The following BUD31 variants were observed in gnomAD, a reference collection of about 807,000 sequenced individuals.
The protein encoded by BUD31 is BUD31 spliceosome associated protein, also known as protein BUD31 homolog.
Under a neutral mutation model 17.9 loss-of-function variants are expected in BUD31, and 9 were observed. The observed-to-expected ratio is 0.50, with a 90% CI of 0.30 to 0.88. The LOEUF is 0.88. Ranked by LOEUF, BUD31 falls within the 40% of genes least tolerant of loss-of-function variation. The probability of loss-of-function intolerance (pLI) is 0.06; values close to 1 mark genes in which losing one functional copy is unlikely to be tolerated. For synonymous variants in BUD31, 70 were observed against 64.7 expected (o/e 1.08, Z -0.39); for missense variants, 148 against 184.5 (o/e 0.80, Z 1.15).
At chr7:99,418,459 GC>G (rs747775744) in intron 5 of BUD31, 1 of 152,988 alleles carries the variant, frequency 6.5e-6, no homozygotes, top group Non-Finnish European at 1.5e-5. Flanking sequence ...TGGCCCCACC[GC>G]CCATCTGCCA....
chr7:99,414,476 T>G (rs1329607819), intron 3 of BUD31, among the ~76,000 whole-genome samples: 1 of 152,248 alleles, frequency 6.6e-6, no homozygotes, highest in Non-Finnish European at 1.5e-5. Context: ...AGTGAACCTG[T>G]TAAATTATCC....
chr7:99,419,455 C>T lies in BUD31; in HGVS notation c.*14C>T, dbSNP rs1357207390. On this transcript the variant is annotated 3_prime_UTR_variant, in exon 6 of 6. Transcript: ENST00000222969. ...TGCTCTGGCTGAGGCTGGCGCGCTC[C>T]ACCCTGGACTCTGGACTTCGCAGGT... The T allele has an allele frequency of 6.2e-7, 1 of 1,610,252 alleles. No individual in the cohort carries two copies. The highest frequency in any genetic ancestry group is 8.5e-7 in the Non-Finnish European group (1 of 1,179,964).
chr7:99,417,341 C>T (rs1584442390), intron 4 of BUD31, 88 bp from the exon 5 acceptor site: 1 of 1,405,410 alleles, frequency 7.1e-7, no homozygotes, highest in Non-Finnish European at 1.0e-6. Context: ...GTGTGAGCCA[C>T]TGCACCCGGC....
chr7:99,416,875 C>T (rs1795506881), intron 4 of BUD31: 1 of 164,956 alleles, frequency 6.1e-6, no homozygotes, highest in African/African-American at 2.4e-5. Flanking sequence ...TGTGCACCAC[C>T]ACACCCAGCT....
At chr7:99,413,955 G>A (rs1395251167) in intron 3 of BUD31, among the ~76,000 whole-genome samples, 2 of 152,134 alleles carry the variant, frequency 1.3e-5, no homozygotes, top group African/African-American at 4.8e-5. Context: ...TTCTAATTCT[G>A]TAATTAAAAA....
Position 99,411,131 on chromosome 7 carries a change from T to A in BUD31, c.39T>A (p.Asp13Glu). The A allele has an allele frequency of 6.2e-7, 1 of 1,614,076 alleles. No homozygotes were observed. The highest frequency in any genetic ancestry group is 8.5e-7 in the Non-Finnish European group (1 of 1,180,008). Residue 13 changes from aspartate (D) to glutamate (E), a missense_variant, in exon 3 of 6, where the codon GAT becomes GAA. Asp to Glu is a conservative substitution (Grantham distance 45). Coordinates refer to ENST00000222969, the MANE Select transcript of BUD31 (RefSeq NM_003910.4). Reference sequence around the variant, plus strand: ...AAAGAAGCCGGAAAGCACCCCCAGATGGCTGGGAGTTGATTGAGCCAACAC... The same window carrying A: ...AAAGAAGCCGGAAAGCACCCCCAGAAGGCTGGGAGTTGATTGAGCCAACAC... ...KVKRSRKAPP[D>E]GWELIEPTLD... is the part of the protein sequence containing the mutation.
chr7:99,415,074 G>A (rs1373376372), intron 3 of BUD31: 1 of 373,498 alleles, frequency 2.7e-6, no homozygotes, highest in South Asian at 2.0e-5. Context: ...GGGTCGGTGG[G>A]TTTCTCCCCG....
At chr7:99,413,371 C>T (rs147277772) in intron 3 of BUD31, among the ~76,000 whole-genome samples, 2 of 152,290 alleles carry the variant, frequency 1.3e-5, no homozygotes, top group South Asian at 2.1e-4. Flanking sequence ...GAAGGAGCAG[C>T]TTCTGCTGTG....
chr7:99,419,602 C>T lies in BUD31; in HGVS notation c.*161C>T, dbSNP rs548346307. The stretch of plus-strand genomic sequence containing the variant: ...CAGCTGTGATTTGTAAAAATAAAAT[C>T]TTTAAATCTCTCGAGCCCCACGTCT... On this transcript the variant is annotated 3_prime_UTR_variant, in exon 6 of 6. Coordinates refer to ENST00000222969, the MANE Select transcript of BUD31 (RefSeq NM_003910.4). 1 of 877,212 alleles carries T rather than the reference C, an allele frequency of 1.1e-6. No individual in the cohort carries two copies. Among genetic ancestry groups the T allele is most frequent in the African/African-American group, 1.7e-5 (1 of 58,954 alleles). 54.3% of individuals were successfully genotyped at this position (877,212 alleles called of 1,614,324 possible).
At chr7:99,410,318 A>G (rs542902341) in intron 2 of BUD31, 149 bp downstream of exon 2, 9 of 151,026 alleles carry the variant, frequency 6.0e-5, no homozygotes, top group African/African-American at 2.2e-4. Flanking sequence ...TCCTGGGCTC[A>G]AGTGATCCTC....
intron 3 of BUD31, chr7:99,411,738 T>C (rs796380012): frequency 2.2e-6 from 1 of 455,710 alleles, no homozygotes; most frequent in African/African-American, 2.0e-5. Flanking sequence ...GGAGTCTTGC[T>C]CTGTCTTCCA....
In BUD31 at chr7:99,417,386, T is replaced by C. The variant is rs752571916; in HGVS notation, c.218-43T>C. The C allele has an allele frequency of 3.2e-5, 51 of 1,602,136 alleles. 1 individual carries two copies. In the South Asian group the frequency reaches 5.5e-4, roughly 17 times the overall value. ...TTTTTTGATCAAGGGTGGGGAAGGTTTTTAGACCATGGCCTGATGCTCTTT... is the reference window on the plus strand; with the variant it reads ...TTTTTTGATCAAGGGTGGGGAAGGTCTTTAGACCATGGCCTGATGCTCTTT... On this transcript the variant is annotated intron_variant, in intron 4 of 5. Coordinates refer to ENST00000222969, the MANE Select transcript of BUD31 (RefSeq NM_003910.4).
Position 99,419,450 on chromosome 7 carries a change from C to A in BUD31, c.*9C>A, listed in dbSNP as rs374334634. ...GTGGCTGCTCTGGCTGAGGCTGGCG[C>A]GCTCCACCCTGGACTCTGGACTTCG... is the stretch of plus-strand genomic sequence containing the variant. On this transcript the variant is annotated 3_prime_UTR_variant, in exon 6 of 6. Coordinates refer to ENST00000222969, the MANE Select transcript of BUD31 (RefSeq NM_003910.4). 4 of 1,610,538 alleles carry A rather than the reference C, an allele frequency of 2.5e-6. No individual in the cohort carries two copies. The East Asian group carries it at 8.9e-5, about 36-fold the overall frequency.
At chr7:99,415,810 C>T (rs1247547204) in intron 3 of BUD31, among the ~76,000 whole-genome samples, 3 of 152,080 alleles carry the variant, frequency 2.0e-5, no homozygotes, top group Non-Finnish European at 4.4e-5. Flanking sequence ...TCTGTATAGC[C>T]TGGTGTTTCC....
In BUD31 at chr7:99,419,531, G is replaced by A. The variant is rs1283432470; in HGVS notation, c.*90G>A. The A allele has an allele frequency of 6.8e-6, 10 of 1,473,444 alleles. No individual in the cohort carries two copies. The highest frequency in any genetic ancestry group is 8.5e-6 in the Non-Finnish European group (9 of 1,064,590). The allele number at this position is 1,473,444 out of a possible 1,614,324, so 91.3% of individuals were successfully genotyped here. A position where few individuals can be genotyped will look rare whatever the true frequency, so the allele number is the denominator to read the frequency against. Reference sequence around the variant, plus strand: ...CTGGGAGCAGCGAGCAGTGCCCCAGGCCCGAGTTGGAGCACGGTCTCTATG... The same window carrying A: ...CTGGGAGCAGCGAGCAGTGCCCCAGACCCGAGTTGGAGCACGGTCTCTATG... On this transcript the variant is annotated 3_prime_UTR_variant, in exon 6 of 6. Transcript: ENST00000222969.
At chr7:99,411,258 G>T in intron 3 of BUD31, 72 bp downstream of exon 3, 1 of 1,130,748 alleles carries the variant, frequency 8.8e-7, no homozygotes, top group South Asian at 1.3e-5. Context: ...CAGGGGACAG[G>T]CATAAATGCA....
rs537298799 is a variant in BUD31 at position 99,418,157 on chromosome 7, G to C, written c.384+562G>C. The C allele has an allele frequency of 6.7e-4, 158 of 235,754 alleles. 1 individual carries two copies. Among genetic ancestry groups the C allele is most frequent in the Middle Eastern group, 2.1e-3 (1 of 476 alleles). 14.6% of individuals were successfully genotyped at this position (235,754 alleles called of 1,614,324 possible). A position where few individuals can be genotyped will look rare whatever the true frequency, so the allele number is the denominator to read the frequency against. On this transcript the variant is annotated intron_variant, in intron 5 of 5. Transcript: ENST00000222969. ...TAATTTTGTATTTTTAGTAGAGACG[G>C]GGTTTCTCAATGTTGCTCAGGCTGG...
At chr7:99,418,626 C>G (rs1240322352) in intron 5 of BUD31, 2 of 152,634 alleles carry the variant, frequency 1.3e-5, no homozygotes, top group African/African-American at 4.8e-5. Context: ...CGACGGAAGA[C>G]TGGGGTGTTG....
rs1224024314 is a variant in BUD31, at chr7:99,408,985, C to T, written c.-426C>T. On this transcript the variant is annotated 5_prime_UTR_variant, in exon 1 of 6. Transcript: ENST00000222969. The stretch of plus-strand genomic sequence containing the variant: ...AAGCCTTCTGTCGAGAAGCAGCTAC[C>T]CAAGCTCCAGGAGCTTCCGGTATGT... 5 of 158,062 alleles carry T rather than the reference C, an allele frequency of 3.2e-5. No individual in the cohort carries two copies. Among genetic ancestry groups the T allele is most frequent in the African/African-American group, 7.2e-5 (3 of 41,698 alleles). 9.8% of individuals were successfully genotyped at this position (158,062 alleles called of 1,614,324 possible). A position where few individuals can be genotyped will look rare whatever the true frequency, so the allele number is the denominator to read the frequency against.
Sources: gnomAD v4.1 joint callset for allele counts (sites outside exome capture counted in the v4.1 genomes callset) on GRCh38, gnomAD v4.1.1 for gene constraint, MANE v1.5 for transcripts, NCBI Gene and HGNC (gene_info 2026-07-23, HGNC 2026-07-21) for gene names.